Variants in ARIH1 observed in about 807,000 individuals in gnomAD.
ARIH1 encodes the protein E3 ubiquitin-protein ligase ARIH1.
Under a neutral mutation model 85.0 loss-of-function variants are expected in ARIH1, and 8 were observed. The ratio of observed to expected loss-of-function variants is 0.09; its 90% CI spans 0.06 to 0.17. The LOEUF is 0.17. ARIH1 is among the 10% of genes least tolerant of loss of function. ARIH1 has a pLI of 1.00. For missense variants in ARIH1, 311 were observed against 718.1 expected (o/e 0.43, Z 6.48); for synonymous variants, 238 against 253.6 (o/e 0.94, Z 0.59).
chr15:72,569,181 C>T (rs1477824453), intron 9 of ARIH1, among the ~76,000 whole-genome samples: 1 of 152,066 alleles, frequency 6.6e-6, no homozygotes, highest in African/African-American at 2.4e-5. Flanking sequence ...TGGTGGCATG[C>T]ACCTGTAGTC....
chr15:72,574,894 A>ACCCCCCCCCC (rs201163446), intron 11 of ARIH1, among the ~76,000 whole-genome samples: 7 of 107,852 alleles, frequency 6.5e-5, no homozygotes, highest in East Asian at 3.0e-4. Context: ...ACATAGTAAG[A>ACCCCCCCCCC]CCCCCCCGCC....
chr15:72,528,164 GGTA>G (rs1430417109), intron 2 of ARIH1, among the ~76,000 whole-genome samples: 2 of 152,132 alleles, frequency 1.3e-5, no homozygotes, highest in Non-Finnish European at 2.9e-5. Context: ...TTGATAGTAT[GGTA>G]GTATATAGGG....
At chr15:72,556,027 T>A (rs1217017167) in intron 5 of ARIH1, 120 bp downstream of exon 5, 1 of 795,512 alleles carries the variant, frequency 1.3e-6, no homozygotes, top group Non-Finnish European at 2.0e-6. Flanking sequence ...CTTTTTAATC[T>A]GCGTTCCTTA....
intron 1 of ARIH1, among the ~76,000 whole-genome samples, chr15:72,495,200 G>T (rs2063875043): frequency 6.6e-6 from 1 of 152,186 alleles, no homozygotes; most frequent in African/African-American, 2.4e-5. Flanking sequence ...GTAGATCAGT[G>T]GTTGTCAGAG....
rs1202333687 is a variant in ARIH1 at position 72,586,415 on chromosome 15, T to C, written c.*3123T>C. 6.6e-6 allele frequency: 1 copy of C among 152,194 alleles called. No individual in the cohort carries two copies. Among genetic ancestry groups the C allele is most frequent in the African/African-American group, 2.4e-5 (1 of 41,442 alleles). 9.4% of individuals were successfully genotyped at this position (152,194 alleles called of 1,614,324 possible). A position where few individuals can be genotyped will look rare whatever the true frequency, so the allele number is the denominator to read the frequency against. On this transcript the variant is annotated 3_prime_UTR_variant, in exon 14 of 14. Coordinates refer to ENST00000379887, the MANE Select transcript of ARIH1 (RefSeq NM_005744.5). ...TCAGAATGGTAAATTGATTAAATGCTCCTAACCCTGTAATTTTGTGCATAG... is the reference window on the plus strand; with the variant it reads ...TCAGAATGGTAAATTGATTAAATGCCCCTAACCCTGTAATTTTGTGCATAG...
intron 1 of ARIH1, among the ~76,000 whole-genome samples, chr15:72,503,780 C>T (rs2063913028): frequency 6.6e-6 from 1 of 152,232 alleles, no homozygotes; most frequent in African/African-American, 2.4e-5. Flanking sequence ...TTGCAGCCCT[C>T]AACCCCTTGC....
At chr15:72,506,357 A>AAAAAAAAAAAAAG (rs1393822497) in intron 1 of ARIH1, among the ~76,000 whole-genome samples, 1 of 148,590 alleles carries the variant, frequency 6.7e-6, no homozygotes, top group African/African-American at 2.5e-5. Flanking sequence ...CTCACAAAAA[A>AAAAAAAAAAAAAG]AAAAAAAAGA....
chr15:72,522,981 A>G (rs1443460046), intron 2 of ARIH1, among the ~76,000 whole-genome samples: 1 of 152,232 alleles, frequency 6.6e-6, no homozygotes, highest in Non-Finnish European at 1.5e-5. Flanking sequence ...AAATCAAAAT[A>G]CTGACTACCA....
intron 3 of ARIH1, 63 bp from the exon 4 acceptor site, chr15:72,555,208 C>A: frequency 1.6e-6 from 2 of 1,228,062 alleles, no homozygotes; most frequent in South Asian, 1.3e-5. Context: ...CCTGTTGAGT[C>A]ACTGTTTATA....
intron 1 of ARIH1, among the ~76,000 whole-genome samples, chr15:72,496,591 T>C (rs2063881243): frequency 1.3e-5 from 2 of 152,232 alleles, no homozygotes; most frequent in Non-Finnish European, 2.9e-5. Context: ...GTTGTGATAA[T>C]CAAGAATAGC....
At chr15:72,520,264 AGT>A (rs1293336626) in intron 2 of ARIH1, among the ~76,000 whole-genome samples, 5 of 152,144 alleles carry the variant, frequency 3.3e-5, no homozygotes, top group Admixed American at 1.3e-4. Flanking sequence ...GTCTTTAAAT[AGT>A]GTCTTTAAAA....
intron 1 of ARIH1, among the ~76,000 whole-genome samples, chr15:72,497,374 C>G (rs1337489850): frequency 1.3e-5 from 2 of 152,000 alleles, no homozygotes; most frequent in Non-Finnish European, 2.9e-5. Flanking sequence ...TTAAGAAATT[C>G]TATTTAAATG....
intron 3 of ARIH1, among the ~76,000 whole-genome samples, chr15:72,545,778 G>C (rs1467855354): frequency 1.3e-5 from 2 of 152,230 alleles, no homozygotes; most frequent in Non-Finnish European, 2.9e-5. Context: ...ACAGTGAGCT[G>C]ACATCATGCC....
intron 2 of ARIH1, among the ~76,000 whole-genome samples, chr15:72,534,501 G>A (rs2064072097): frequency 6.6e-6 from 1 of 152,158 alleles, no homozygotes; most frequent in South Asian, 2.1e-4. Context: ...ATAGGAAAAG[G>A]ATCAGTCTTA....
At chr15:72,515,414 C>A (rs2063970755) in intron 1 of ARIH1, among the ~76,000 whole-genome samples, 1 of 152,142 alleles carries the variant, frequency 6.6e-6, no homozygotes, top group African/African-American at 2.4e-5. Context: ...TCTGGGTCAT[C>A]TAGGAGTCAG....
intron 11 of ARIH1, among the ~76,000 whole-genome samples, chr15:72,576,811 G>A (rs888585481): frequency 6.6e-6 from 1 of 151,728 alleles, no homozygotes; most frequent in Admixed American, 6.6e-5. Context: ...AACAATTCAG[G>A]GGTTAGGGAC....
intron 1 of ARIH1, among the ~76,000 whole-genome samples, chr15:72,504,523 C>T (rs1005744047): frequency 8.5e-5 from 13 of 152,050 alleles, no homozygotes; most frequent in African/African-American, 3.1e-4. Flanking sequence ...ACAGGTTGGG[C>T]AGGTAATCTT....
chr15:72,536,163 C>T (rs2064081024), intron 2 of ARIH1, among the ~76,000 whole-genome samples: 1 of 152,180 alleles, frequency 6.6e-6, no homozygotes, highest in African/African-American at 2.4e-5. Context: ...TCTGTGTCTT[C>T]TAAAGCCTGT....
intron 1 of ARIH1, among the ~76,000 whole-genome samples, chr15:72,476,759 T>C (rs1369911659): frequency 6.6e-6 from 1 of 152,086 alleles, no homozygotes; most frequent in Non-Finnish European, 1.5e-5. Flanking sequence ...AAATGCGAAC[T>C]GTAGTTATTT....
Sources: allele counts gnomAD v4.1 joint callset (sites outside exome capture counted in the v4.1 genomes callset), GRCh38; gene constraint gnomAD v4.1.1; transcripts MANE v1.5; gene names NCBI Gene and HGNC (gene_info 2026-07-23, HGNC 2026-07-21).